The following NCAM1 variants were observed in gnomAD, a reference collection of about 807,000 sequenced individuals.
NCAM1 encodes antigen recognized by monoclonal antibody 5.1H11.
In NCAM1, 14 loss-of-function variants were observed where a neutral mutation model predicts 109.8. The observed-to-expected ratio is 0.13, with a 90% CI of 0.08 to 0.20. The LOEUF (loss-of-function observed/expected upper bound fraction) is 0.20. Among genes scored for constraint, NCAM1 ranks in the 10% least tolerant of loss-of-function variants. The pLI, the probability that NCAM1 is intolerant of heterozygous loss-of-function variation, is 1.00. For synonymous variants in NCAM1, 418 were observed against 442.9 expected (o/e 0.94, Z 0.70); for missense variants, 774 against 1,109.9 (o/e 0.70, Z 4.30).
chr11:113,251,809 T>C (rs993986977), intron 15 of NCAM1, among the ~76,000 whole-genome samples: 4 of 152,216 alleles, frequency 2.6e-5, no homozygotes, highest in African/African-American at 9.6e-5. Context: ...CAGAACACAG[T>C]GCACATCAGG....
chr11:113,104,226 G>A (rs1940040963), intron 1 of NCAM1, among the ~76,000 whole-genome samples: 2 of 139,360 alleles, frequency 1.4e-5, no homozygotes, highest in Non-Finnish European at 3.1e-5. Context: ...GGGCGGGGTG[G>A]TGGTGGCGGT....
intron 8 of NCAM1, among the ~76,000 whole-genome samples, chr11:113,220,588 C>G (rs1166289482): frequency 2.3e-5 from 3 of 129,644 alleles, no homozygotes; most frequent in African/African-American, 3.2e-5. Flanking sequence ...GACCTATTCT[C>G]TCTCTCTCTC....
chr11:113,050,313 T>C (rs1053650019), intron 1 of NCAM1, among the ~76,000 whole-genome samples: 2 of 152,324 alleles, frequency 1.3e-5, no homozygotes, highest in Middle Eastern at 3.4e-3. Flanking sequence ...GCTTATGCAA[T>C]GTAGACCAGA....
chr11:112,976,072 A>G (rs1950997367), intron 1 of NCAM1, among the ~76,000 whole-genome samples: 1 of 151,934 alleles, frequency 6.6e-6, no homozygotes, highest in African/African-American at 2.4e-5. Flanking sequence ...GCCCTGTGCA[A>G]TATTAAGAGA....
rs188843483 is a variant in NCAM1 at position 112,970,241 on chromosome 11, G to A, written c.52+8577G>A. 5.3e-5 allele frequency among the ~76,000 whole-genome samples: 8 copies of A among 152,278 alleles called. No homozygotes were observed. The South Asian group carries it at 8.3e-4, about 16-fold the overall frequency. On this transcript the variant is annotated intron_variant, in intron 1 of 19. Transcript: ENST00000316851. ...GGATAGTTAACAATAGCAACTGAGC[G>A]TGTGCTGCCTCAGGCTCTATGTTTG...
chr11:113,093,389 C>T (rs979543054), intron 1 of NCAM1, among the ~76,000 whole-genome samples: 6 of 152,182 alleles, frequency 3.9e-5, no homozygotes, highest in African/African-American at 1.4e-4. Context: ...TTCAGAGAAG[C>T]TTTGCTGTTG....
At chr11:113,160,616 A>T (rs2846915) in intron 1 of NCAM1, among the ~76,000 whole-genome samples, 10,530 of 152,140 alleles carry the variant, frequency 0.069, 738 homozygotes, top group African/African-American at 0.17. Flanking sequence ...AAAGCCTCAA[A>T]CCCACTTGGC....
chr11:113,136,084 G>A (rs2136159974), intron 1 of NCAM1, among the ~76,000 whole-genome samples: 1 of 152,318 alleles, frequency 6.6e-6, no homozygotes, highest in East Asian at 1.9e-4. Context: ...TTGGGAGGCT[G>A]AGGAGACAGG....
At chr11:113,224,056 A>G (rs1271309736) in intron 9 of NCAM1, among the ~76,000 whole-genome samples, 1 of 152,232 alleles carries the variant, frequency 6.6e-6, no homozygotes, top group Non-Finnish European at 1.5e-5. Context: ...TACCGGGTTC[A>G]TCTCACTGGG....
intron 1 of NCAM1, among the ~76,000 whole-genome samples, chr11:113,187,766 T>C (rs1464462221): frequency 6.6e-6 from 1 of 152,160 alleles, no homozygotes; most frequent in African/African-American, 2.4e-5. Context: ...AACAGATTCG[T>C]TGTACCAGAG....
chr11:113,034,200 T>C (rs1281866249), intron 1 of NCAM1, among the ~76,000 whole-genome samples: 1 of 152,196 alleles, frequency 6.6e-6, no homozygotes, highest in Non-Finnish European at 1.5e-5. Context: ...TGTCCAGTCA[T>C]GCGCAGGCAG....
chr11:113,221,260 G>A (rs782639615), intron 8 of NCAM1, 36 bp from the exon 9 acceptor site: 39 of 1,552,354 alleles, frequency 2.5e-5, no homozygotes, highest in Non-Finnish European at 3.3e-5. Context: ...AAATTTTACT[G>A]CTTTCTTGTT....
At chr11:113,032,771 G>T (rs1323902668) in intron 1 of NCAM1, among the ~76,000 whole-genome samples, 1 of 152,122 alleles carries the variant, frequency 6.6e-6, no homozygotes, top group African/African-American at 2.4e-5. Context: ...TGGAAGTGGA[G>T]GTTTTGTTTT....
chr11:113,258,777 G>A (rs567296579), intron 16 of NCAM1, among the ~76,000 whole-genome samples: 2 of 152,080 alleles, frequency 1.3e-5, no homozygotes, highest in African/African-American at 4.8e-5. Context: ...TAGCTATTTT[G>A]TATCAATTAA....
intron 1 of NCAM1, among the ~76,000 whole-genome samples, chr11:112,983,439 A>T (rs78366262): frequency 2.6e-5 from 4 of 151,740 alleles, no homozygotes; most frequent in Non-Finnish European, 5.9e-5. Flanking sequence ...TTCAAGTGGG[A>T]AGAGGGTGAA....
intron 1 of NCAM1, among the ~76,000 whole-genome samples, chr11:113,093,449 C>A (rs1555089746): frequency 6.6e-6 from 1 of 152,066 alleles, no homozygotes; most frequent in East Asian, 1.9e-4. Context: ...TATTCTCAAA[C>A]GTAGTTCACA....
At chr11:113,001,257 C>G (rs1162875386) in intron 1 of NCAM1, among the ~76,000 whole-genome samples, 4 of 152,148 alleles carry the variant, frequency 2.6e-5, no homozygotes, top group Non-Finnish European at 1.5e-5. Context: ...AGACTGTGGG[C>G]TTTTGAATAG....
At chr11:113,193,787 C>T (rs1403651397) in intron 1 of NCAM1, among the ~76,000 whole-genome samples, 1 of 152,100 alleles carries the variant, frequency 6.6e-6, no homozygotes, top group East Asian at 1.9e-4. Context: ...CTGGGAACCA[C>T]ATAATTCTAT....
chr11:113,221,243 T>A, intron 8 of NCAM1, 53 bp from the exon 9 acceptor site: 2 of 1,537,084 alleles, frequency 1.3e-6, no homozygotes, highest in South Asian at 2.4e-5. Flanking sequence ...TAAAGCAACA[T>A]GTTGTAAAAT....
Sources: allele counts gnomAD v4.1 joint callset (sites outside exome capture counted in the v4.1 genomes callset), GRCh38; gene constraint gnomAD v4.1.1; transcripts MANE v1.5; gene names NCBI Gene and HGNC (gene_info 2026-07-23, HGNC 2026-07-21).